Variants in SPTLC1 observed in about 807,000 individuals in gnomAD.
The protein encoded by SPTLC1 is serine palmitoyltransferase 1.
In SPTLC1, 55 loss-of-function variants were observed where a neutral mutation model predicts 68.9. The ratio of observed to expected loss-of-function variants is 0.80; its 90% CI spans 0.64 to 1.00. The LOEUF (loss-of-function observed/expected upper bound fraction) is 1.00, where lower values mean the gene tolerates loss of function less well. Among genes scored for constraint, SPTLC1 ranks in the 50% least tolerant of loss-of-function variants. The pLI is 0.00. For synonymous variants in SPTLC1, 197 were observed against 201.6 expected, an observed-to-expected ratio of 0.98 and a Z score of 0.19; for missense variants, 449 against 573.1, an observed-to-expected ratio of 0.78 and a Z score of 2.21.
intron 7 of SPTLC1, 77 bp from the exon 8 acceptor site, chr9:92,055,571 T>C: frequency 7.2e-7 from 1 of 1,379,980 alleles, no homozygotes; most frequent in Non-Finnish European, 1.0e-6. Flanking sequence ...CCCCAGCACT[T>C]TCACCTTACA....
chr9:92,105,154 C>T (rs988476502), intron 3 of SPTLC1: 8 of 1,533,922 alleles, frequency 5.2e-6, no homozygotes, highest in East Asian at 2.4e-5. Flanking sequence ...CCAGAGCTGC[C>T]GGCCACAGGT....
chr9:92,072,222 G>T (rs1013843320), intron 5 of SPTLC1, among the ~76,000 whole-genome samples: 1 of 152,074 alleles, frequency 6.6e-6, no homozygotes, highest in African/African-American at 2.4e-5. Context: ...GACTTCCCTC[G>T]ACCTCAGGAC....
intron 9 of SPTLC1, 91 bp downstream of exon 9, chr9:92,049,869 C>T: frequency 1.1e-6 from 1 of 924,938 alleles, no homozygotes. Flanking sequence ...ATAAGGAACA[C>T]TGTCTTGTGC....
chr9:92,085,501 C>T (rs1400390824), intron 3 of SPTLC1, among the ~76,000 whole-genome samples: 2 of 151,174 alleles, frequency 1.3e-5, no homozygotes, highest in African/African-American at 4.9e-5. Flanking sequence ...CGTTATGTAC[C>T]CAGTAGTCAT....
At chr9:92,068,241 T>C in intron 5 of SPTLC1, 143 bp from the exon 6 acceptor site, 1 of 776,508 alleles carries the variant, frequency 1.3e-6, no homozygotes, top group Non-Finnish European at 2.0e-6. Context: ...AATGATAGAT[T>C]ATACAAGATC....
Position 92,032,241 on chromosome 9 carries a change from C to T in SPTLC1, c.*224G>A. On this transcript the variant is annotated 3_prime_UTR_variant, in exon 15 of 15. Coordinates refer to ENST00000262554, the MANE Select transcript of SPTLC1 (RefSeq NM_006415.4). ...CAGTTATACACTGTCATTAGTTTTC[C>T]TCTTAAAAAAATCAGTTCCTGGGCT... 6.7e-7 allele frequency: 1 copy of T among 1,500,756 alleles called. No individual in the cohort carries two copies. The highest frequency in any genetic ancestry group is 8.9e-7 in the Non-Finnish European group (1 of 1,126,652). The allele number at this position is 1,500,756 out of a possible 1,614,324, so 93.0% of individuals were successfully genotyped here.
chr9:92,102,880 A>G (rs1835808825), intron 3 of SPTLC1, among the ~76,000 whole-genome samples: 1 of 152,200 alleles, frequency 6.6e-6, no homozygotes, highest in Non-Finnish European at 1.5e-5. Context: ...ATGGTTTTTC[A>G]TACATGTTTC....
chr9:92,068,469 T>C (rs1834369015), intron 5 of SPTLC1, among the ~76,000 whole-genome samples: 1 of 152,212 alleles, frequency 6.6e-6, no homozygotes, highest in African/African-American at 2.4e-5. Context: ...AACTTATTAA[T>C]GTCTGTTTGC....
chr9:92,080,909 T>C lies in SPTLC1; in HGVS notation c.315A>G (p.Ser105=), dbSNP rs530844025. 6.2e-7 allele frequency: 1 copy of C among 1,614,200 alleles called. No homozygotes were observed. The highest frequency in any genetic ancestry group is 1.7e-5 in the Admixed American group (1 of 60,022). The change falls in exon 4 of 15, where the codon TCA becomes TCG. Residue 105 remains serine (S), a synonymous_variant. Coordinates refer to ENST00000262554, the MANE Select transcript of SPTLC1 (RefSeq NM_006415.4). The part of the protein sequence containing the change: ...VNGKECINFA[S]FNFLGLLDNP... ...TATCCAACAATCCAAGAAAATTAAA[T>C]GAGGCGAAGTTTATACATTCTTTTC...
At chr9:92,114,259 C>T (rs910861289) in intron 1 of SPTLC1, among the ~76,000 whole-genome samples, 1 of 152,008 alleles carries the variant, frequency 6.6e-6, no homozygotes, top group Non-Finnish European at 1.5e-5. Context: ...CAGAGTGAAA[C>T]CCTGTCTTTA....
intron 3 of SPTLC1, among the ~76,000 whole-genome samples, chr9:92,083,278 C>T (rs1043726567): frequency 3.9e-5 from 6 of 152,142 alleles, no homozygotes; most frequent in Admixed American, 2.6e-4. Context: ...GCTTTTGTTG[C>T]CATTACTTTT....
chr9:92,035,888 G>A lies in SPTLC1; in HGVS notation c.1255-1005C>T, dbSNP rs149294154. Among the ~76,000 whole-genome samples, 4 of 152,304 alleles carry A rather than the reference G, an allele frequency of 2.6e-5. No individual in the cohort carries two copies. The East Asian group carries it at 7.7e-4, about 29-fold the overall frequency. ...GTGAACTCCTGCAAACATCTGGACT[G>A]GCTCTGTTTCTAGCCCTGGCTGGTT... On this transcript the variant is annotated intron_variant, in intron 13 of 14. Transcript: ENST00000262554.
chr9:92,052,769 T>G (rs1377074103), intron 8 of SPTLC1, among the ~76,000 whole-genome samples: 1 of 151,910 alleles, frequency 6.6e-6, no homozygotes, highest in African/African-American at 2.4e-5. Flanking sequence ...TGACCTCAAA[T>G]GATTCACCTG....
intron 2 of SPTLC1, chr9:92,109,143 C>T: frequency 3.6e-6 from 1 of 281,658 alleles, no homozygotes. Context: ...ACTCTTTTAA[C>T]TTTAGGCCTA....
chr9:92,068,111 A>C lies in SPTLC1; in HGVS notation c.428-13T>G. On this transcript the variant is annotated splice_polypyrimidine_tract_variant and intron_variant, in intron 5 of 14. Transcript: ENST00000262554. ...TCCAAATGAACATCTATTTCAGTTA[A>C]AAAAGTTAAATGGTTAAACTGCCTT... 1 of 1,612,618 alleles carries C rather than the reference A, an allele frequency of 6.2e-7. No homozygotes were observed. The highest frequency in any genetic ancestry group is 8.5e-7 in the Non-Finnish European group (1 of 1,179,066).
chr9:92,064,828 A>C lies in SPTLC1; in HGVS notation c.560+3138T>G, dbSNP rs62567928. On this transcript the variant is annotated intron_variant, in intron 6 of 14. Coordinates refer to ENST00000262554, the MANE Select transcript of SPTLC1 (RefSeq NM_006415.4). ...AACTTGGATGAACCATCAGAGAATT[A>C]CGCTAAATGAAAAAAGCCAACCCCA... Among the ~76,000 whole-genome samples, 808 of 152,370 alleles carry C rather than the reference A, an allele frequency of 5.3e-3. 5 individuals are homozygous for C. Among genetic ancestry groups the C allele is most frequent in the Non-Finnish European group, 7.5e-3 (513 of 68,026 alleles).
chr9:92,070,586 G>A (rs915566382), intron 5 of SPTLC1, among the ~76,000 whole-genome samples: 1 of 152,062 alleles, frequency 6.6e-6, no homozygotes, highest in Non-Finnish European at 1.5e-5. Context: ...GAACCTCAGG[G>A]ACAGGAGGCC....
chr9:92,076,026 A>C (rs1051682661), intron 5 of SPTLC1, among the ~76,000 whole-genome samples: 6 of 152,056 alleles, frequency 3.9e-5, no homozygotes, highest in African/African-American at 1.5e-4. Flanking sequence ...ATTGTGTCTC[A>C]CTCATCTATC....
At chr9:92,050,811 A>ATGTTTTTTTTTTTTTTTTTTT (rs1491140831) in intron 8 of SPTLC1, 1 of 104,978 alleles carries the variant, frequency 9.5e-6, no homozygotes, top group African/African-American at 4.7e-5. Context: ...CACAATACTG[A>ATGTTTTTTTTTTTTTTTTTTT]TTTTTTTTTT....
Sources: allele counts gnomAD v4.1 joint callset (sites outside exome capture counted in the v4.1 genomes callset), GRCh38; gene constraint gnomAD v4.1.1; transcripts MANE v1.5; gene names NCBI Gene and HGNC (gene_info 2026-07-23, HGNC 2026-07-21).